Variants in UIMC1 observed in about 807,000 individuals in gnomAD.
UIMC1 encodes the protein ubiquitin interaction motif containing 1, also known as BRCA1-A complex subunit RAP80.
UIMC1 carries 42 observed loss-of-function variants against 84.9 expected under a neutral mutation model. That is an observed-to-expected ratio of 0.49 (90% CI 0.39 to 0.64). The LOEUF is 0.64. Ranked by LOEUF, UIMC1 falls within the 30% of genes least tolerant of loss-of-function variation. The pLI is 0.00. For missense variants in UIMC1, 825 were observed against 847.6 expected (o/e 0.97, Z 0.33); for synonymous variants, 281 against 293.0 (o/e 0.96, Z 0.42).
chr5:176,949,281 A>G (rs929719028), intron 9 of UIMC1, among the ~76,000 whole-genome samples: 1 of 152,184 alleles, frequency 6.6e-6, no homozygotes, highest in Non-Finnish European at 1.5e-5. Context: ...AGCAACACCA[A>G]AAAGAGGACA....
chr5:177,021,451 T>C (rs1185745411), intron 1 of UIMC1, among the ~76,000 whole-genome samples: 1 of 152,074 alleles, frequency 6.6e-6, no homozygotes. Flanking sequence ...TTAGATGGGA[T>C]AGCCAGACAA....
At chr5:176,910,201 A>AT (rs1759940093) in intron 11 of UIMC1, among the ~76,000 whole-genome samples, 1 of 152,252 alleles carries the variant, frequency 6.6e-6, no homozygotes, top group African/African-American at 2.4e-5. Context: ...TTACAGTAAG[A>AT]TTCCAAAGGG....
intron 1 of UIMC1, among the ~76,000 whole-genome samples, chr5:176,983,440 G>T (rs1771361618): frequency 6.6e-6 from 1 of 152,202 alleles, no homozygotes; most frequent in East Asian, 1.9e-4. Context: ...TCGCCATGTT[G>T]ACCGGGCTGG....
chr5:176,992,195 A>C (rs1463435025), intron 1 of UIMC1, among the ~76,000 whole-genome samples: 1 of 152,200 alleles, frequency 6.6e-6, no homozygotes, highest in Non-Finnish European at 1.5e-5. Flanking sequence ...AAAAGCCCTT[A>C]AAGAATCTAT....
chr5:176,905,966 T>C, intron 14 of UIMC1, 45 bp downstream of exon 14: 10 of 1,612,188 alleles, frequency 6.2e-6, no homozygotes, highest in East Asian at 2.2e-5. Context: ...GCCTGCACTT[T>C]TCAGAAATGC....
At chr5:176,985,544 A>G (rs1182818938) in intron 1 of UIMC1, among the ~76,000 whole-genome samples, 1 of 151,704 alleles carries the variant, frequency 6.6e-6, no homozygotes, top group African/African-American at 2.4e-5. Flanking sequence ...CATGTATCCT[A>G]GTTCTTTAAA....
chr5:176,987,393 C>G (rs1772185439), intron 1 of UIMC1, among the ~76,000 whole-genome samples: 1 of 152,146 alleles, frequency 6.6e-6, no homozygotes, highest in Middle Eastern at 3.4e-3. Flanking sequence ...TGTTTATAAT[C>G]CCAGCACTTT....
chr5:176,999,005 C>G (rs1774052489), intron 1 of UIMC1, among the ~76,000 whole-genome samples: 1 of 151,816 alleles, frequency 6.6e-6, no homozygotes, highest in Non-Finnish European at 1.5e-5. Context: ...GCCTGGGCAA[C>G]ACAGCAAGAC....
chr5:176,942,539 G>C (rs1490477713), intron 10 of UIMC1, among the ~76,000 whole-genome samples: 1 of 150,798 alleles, frequency 6.6e-6, no homozygotes, highest in Non-Finnish European at 1.5e-5. Context: ...TCAGGAGATG[G>C]AGACCATCAT....
Position 176,982,500 on chromosome 5 carries a change from G to A in UIMC1, c.116C>T (p.Ala39Val). Residue 39 changes from alanine to valine, a missense_variant, in exon 2 of 15, where the codon GCA (alanine) becomes GTA (valine). Coordinates refer to ENST00000511320, the MANE Select transcript of UIMC1 (RefSeq NM_001199298.2). ...SVKRKRRLED[A>V]FIVISDSDGE... ...ATCACTATCGGATATCACAATGAAT[G>A]CATCCTCAAGTCTACGCTTCCTCTT... 1 of 1,613,872 alleles carries A rather than the reference G, an allele frequency of 6.2e-7. No homozygotes were observed.
intron 1 of UIMC1, among the ~76,000 whole-genome samples, chr5:176,998,519 C>T (rs1219048808): frequency 7.1e-6 from 1 of 141,588 alleles, no homozygotes; most frequent in Non-Finnish European, 1.5e-5. Context: ...TGTAATCCTA[C>T]CACTTTGGGA....
rs535591896 is a variant in UIMC1 at position 176,934,590 on chromosome 5, G to A, written c.1597+8745C>T. ...TGACGTGAGGAGAAAGAAATCCCACGTGTTAAACCCACTGTTAATGATGTT... is the reference window on the plus strand; with the variant it reads ...TGACGTGAGGAGAAAGAAATCCCACATGTTAAACCCACTGTTAATGATGTT... On this transcript the variant is annotated intron_variant, in intron 10 of 14. Transcript: ENST00000511320. Among the ~76,000 whole-genome samples the A allele has an allele frequency of 9.5e-4, 144 of 152,314 alleles. No homozygotes were observed. In the South Asian group the frequency reaches 0.013, roughly 14 times the overall value.
At chr5:176,924,438 T>C (rs551695737) in intron 10 of UIMC1, among the ~76,000 whole-genome samples, 246 of 152,148 alleles carry the variant, frequency 1.6e-3, no homozygotes, top group African/African-American at 5.7e-3. Flanking sequence ...ATCAAGACAC[T>C]TGTACTGGCA....
At chr5:176,969,732 C>A (rs1366702542) in intron 4 of UIMC1, 26 bp from the exon 5 acceptor site, 1 of 1,601,098 alleles carries the variant, frequency 6.2e-7, no homozygotes, top group African/African-American at 1.3e-5. Flanking sequence ...CCATACCAGA[C>A]CAGGTTTATT....
rs576624437 is a variant in UIMC1 at position 177,021,947 on chromosome 5, T to C, written c.-9+517A>G. Among the ~76,000 whole-genome samples, 384 of 152,266 alleles carry C rather than the reference T, an allele frequency of 2.5e-3. 2 individuals are homozygous for C. Among genetic ancestry groups the C allele is most frequent in the African/African-American group, 8.6e-3 (357 of 41,542 alleles). On this transcript the variant is annotated intron_variant, in intron 1 of 5. Transcript: ENST00000509236. ...GATTACAGGCGTGAGCCACCGCGCC[T>C]GGCCGGACTTTGGCTTTTACTAAGA...
chr5:176,953,268 C>T (rs1366000091), intron 8 of UIMC1, among the ~76,000 whole-genome samples: 1 of 152,152 alleles, frequency 6.6e-6, no homozygotes, highest in Non-Finnish European at 1.5e-5. Context: ...TAAAACCAGA[C>T]ATTTATTTCA....
chr5:176,978,053 A>G (rs1349884295), intron 2 of UIMC1, among the ~76,000 whole-genome samples: 2 of 152,168 alleles, frequency 1.3e-5, no homozygotes, highest in African/African-American at 4.8e-5. Context: ...CCAAGACACT[A>G]TAAGAATATG....
intron 1 of UIMC1, among the ~76,000 whole-genome samples, chr5:177,004,742 C>T (rs998821697): frequency 6.6e-6 from 1 of 152,180 alleles, no homozygotes; most frequent in African/African-American, 2.4e-5. Context: ...TCAGCACATC[C>T]ATCGTCTTGA....
At chr5:176,942,097 A>G (rs572640980) in intron 10 of UIMC1, among the ~76,000 whole-genome samples, 2 of 152,256 alleles carry the variant, frequency 1.3e-5, no homozygotes, top group African/African-American at 4.8e-5. Flanking sequence ...CACCCGCCTC[A>G]GCCTCCCAAA....
Sources: allele counts gnomAD v4.1 joint callset (sites outside exome capture counted in the v4.1 genomes callset), GRCh38; gene constraint gnomAD v4.1.1; transcripts MANE v1.5; gene names NCBI Gene and HGNC (gene_info 2026-07-23, HGNC 2026-07-21).